LSS: variants seen among roughly 807,000 people sequenced by gnomAD.
LSS encodes 2,3-epoxysqualene-lanosterol cyclase.
LSS carries 90 observed loss-of-function variants against 110.3 expected under a neutral mutation model. The ratio of observed to expected loss-of-function variants is 0.82; its 90% CI spans 0.69 to 0.97. LSS has a LOEUF of 0.97. LSS is among the 50% of genes least tolerant of loss of function. The probability of loss-of-function intolerance (pLI) is 0.00; values close to 1 mark genes in which losing one functional copy is unlikely to be tolerated. For synonymous variants in LSS, 433 were observed against 400.0 expected (o/e 1.08, Z -0.98); for missense variants, 927 against 990.0 (o/e 0.94, Z 0.85).
intron 3 of LSS, among the ~76,000 whole-genome samples, chr21:46,223,900 C>T (rs2080307170): frequency 6.6e-6 from 1 of 152,206 alleles, no homozygotes; most frequent in African/African-American, 2.4e-5. Context: ...CAAGGAACAA[C>T]ACCCGCTACT....
chr21:46,205,953 A>T lies in LSS; in HGVS notation c.1565-12T>A. The T allele has an allele frequency of 6.3e-7, 1 of 1,584,238 alleles. No individual in the cohort carries two copies. The highest frequency in any genetic ancestry group is 8.6e-7 in the Non-Finnish European group (1 of 1,159,940). On this transcript the variant is annotated splice_polypyrimidine_tract_variant and intron_variant, in intron 16 of 21. Transcript: ENST00000397728. ...AATCATGATGTCCCCTGGGAAAGGG[A>T]GGGAAGAACCAAGTGTTGGGTTTCA...
intron 12 of LSS, 122 bp downstream of exon 12, chr21:46,210,566 G>A: frequency 2.0e-6 from 2 of 1,003,218 alleles, no homozygotes. Context: ...CCAGAGCCCA[G>A]GTCACTGGAA....
intron 3 of LSS, chr21:46,227,186 G>C: frequency 4.6e-6 from 1 of 215,226 alleles, no homozygotes; most frequent in Non-Finnish European, 9.3e-6. Context: ...GCAGATATCA[G>C]CTCCCCACCC....
chr21:46,213,008 A>G lies in LSS; in HGVS notation c.1137+17T>C. On this transcript the variant is annotated intron_variant, in intron 11 of 21. Transcript: ENST00000397728. ...GATTGCAAAGGAAGCATGCAGCCGC[A>G]GTCCCGCAGCCCTTACCTGCATTTT... is the stretch of plus-strand genomic sequence containing the variant. 6.2e-7 allele frequency: 1 copy of G among 1,613,982 alleles called. No individual in the cohort carries two copies. Among genetic ancestry groups the G allele is most frequent in the African/African-American group, 1.3e-5 (1 of 75,044 alleles).
chr21:46,188,494 A>G lies in LSS; in HGVS notation c.*2610T>C, dbSNP rs2079760680. On this transcript the variant is annotated 3_prime_UTR_variant, in exon 22 of 22. Coordinates refer to ENST00000397728, the MANE Select transcript of LSS (RefSeq NM_002340.6). ...ACACTGAGGCAAATATCCCCCTCAGACAGAGGCTGCACCGGTACAGCTGCC... is the reference window on the plus strand; with the variant it reads ...ACACTGAGGCAAATATCCCCCTCAGGCAGAGGCTGCACCGGTACAGCTGCC... 9 of 365,708 alleles carry G rather than the reference A, an allele frequency of 2.5e-5. No individual in the cohort carries two copies. The highest frequency in any genetic ancestry group is 1.8e-4 in the South Asian group (9 of 49,766). The allele number at this position is 365,708 out of a possible 1,614,324, so 22.7% of individuals were successfully genotyped here. A position where few individuals can be genotyped will look rare whatever the true frequency, so the allele number is the denominator to read the frequency against.
Position 46,203,105 on chromosome 21 carries a change from A to C in LSS, c.1670+2731T>G, listed in dbSNP as rs558627167. Among the ~76,000 whole-genome samples, 67 of 152,360 alleles carry C rather than the reference A, an allele frequency of 4.4e-4. No individual in the cohort carries two copies. In the South Asian group the frequency reaches 0.014, roughly 31 times the overall value. Reference sequence around the variant, plus strand: ...GCAGGGAGAGAGATGAGCAGAGAAGAGAAGTCACCAGGCCAGGTCAGACAG... The same window carrying C: ...GCAGGGAGAGAGATGAGCAGAGAAGCGAAGTCACCAGGCCAGGTCAGACAG... On this transcript the variant is annotated intron_variant, in intron 17 of 21. Coordinates refer to ENST00000397728, the MANE Select transcript of LSS (RefSeq NM_002340.6).
chr21:46,228,648 C>G, intron 1 of LSS, 49 bp from the exon 2 acceptor site: 1 of 1,595,204 alleles, frequency 6.3e-7, no homozygotes, highest in Non-Finnish European at 8.5e-7. Flanking sequence ...CAACGCCGGC[C>G]GCCGGCCCAC....
intron 10 of LSS, 71 bp from the exon 11 acceptor site, chr21:46,213,123 C>T (rs1422488269): frequency 2.0e-6 from 3 of 1,468,082 alleles, no homozygotes; most frequent in African/African-American, 1.4e-5. Flanking sequence ...CCAGACCCTG[C>T]ACTCAGGAGG....
At chr21:46,222,470 T>G (rs985650341) in intron 4 of LSS, 160 bp downstream of exon 4, 2 of 620,532 alleles carry the variant, frequency 3.2e-6, no homozygotes, top group African/African-American at 1.8e-5. Context: ...TGCATGGCCT[T>G]CAGCCCACTC....
chr21:46,205,725 A>T, intron 17 of LSS, 111 bp downstream of exon 17: 1 of 755,716 alleles, frequency 1.3e-6, no homozygotes. Flanking sequence ...GCATGTTTCC[A>T]TGAGTTTCGC....
intron 17 of LSS, among the ~76,000 whole-genome samples, chr21:46,202,047 G>A (rs2079985051): frequency 6.8e-6 from 1 of 147,496 alleles, no homozygotes; most frequent in Non-Finnish European, 1.5e-5. Flanking sequence ...ACCCGCCTCG[G>A]CCTCCCAAAG....
At position 46,215,758 on chromosome 21, in the gene LSS, CCAGT is replaced by C. The variant is rs769039731; in HGVS notation, c.815_818del (p.Asp272GlyfsTer104). On this transcript the variant is annotated frameshift_variant, in exon 8 of 22. Coordinates refer to ENST00000397728, the MANE Select transcript of LSS (RefSeq NM_002340.6). LOFTEE classifies it high-confidence loss of function. Reference sequence around the variant, plus strand: ...GGGCCACGTTGTTCCTCTGCGCCAGCCAGTCAATGCTGGCGAAGTCCTCCACATA... The same window carrying C: ...GGGCCACGTTGTTCCTCTGCGCCAGCCAATGCTGGCGAAGTCCTCCACATA... The C allele has an allele frequency of 6.2e-7, 1 of 1,612,686 alleles. No homozygotes were observed. Among genetic ancestry groups the C allele is most frequent in the African/African-American group, 1.3e-5 (1 of 74,880 alleles).
chr21:46,210,581 C>T (rs923660644), intron 12 of LSS, 107 bp downstream of exon 12: 27 of 1,108,936 alleles, frequency 2.4e-5, no homozygotes, highest in Admixed American at 1.9e-5. Flanking sequence ...CTGGAAGTAT[C>T]GAGGAGTGGC....
chr21:46,198,798 G>A (rs1214470615), intron 17 of LSS, among the ~76,000 whole-genome samples: 5 of 112,278 alleles, frequency 4.5e-5, no homozygotes, highest in African/African-American at 1.7e-4. Flanking sequence ...CTTCTTGACA[G>A]ATGGTACCAA....
Position 46,213,116 on chromosome 21 carries a change from G to A in LSS, c.1110-64C>T, listed in dbSNP as rs971494312. 4.0e-6 allele frequency: 6 copies of A among 1,513,078 alleles called. No homozygotes were observed. In the Admixed American group the frequency reaches 6.9e-5, roughly 17 times the overall value. 93.7% of individuals were successfully genotyped at this position (1,513,078 alleles called of 1,614,324 possible). ...AAGCTGGAAGCCCAGCTGCTACCCA[G>A]ACCCTGCACTCAGGAGGGTCCCAGA... On this transcript the variant is annotated intron_variant, in intron 10 of 21. Transcript: ENST00000397728.
chr21:46,212,921 G>A (rs953949286), intron 11 of LSS, 104 bp downstream of exon 11: 16 of 1,409,378 alleles, frequency 1.1e-5, no homozygotes, highest in African/African-American at 5.7e-5. Flanking sequence ...GCACGCTGCC[G>A]GGACCTGGTC....
Position 46,221,939 on chromosome 21 carries a change from C to T in LSS, c.465G>A (p.Ala155=), listed in dbSNP as rs182615882. Reference sequence around the variant, plus strand: ...GAATTCTGAGAGACACATAGTTGAGCGCAGTCCCAAACACGGTGGACTTAT... The same window carrying T: ...GAATTCTGAGAGACACATAGTTGAGTGCAGTCCCAAACACGGTGGACTTAT... ...IEDKSTVFGT[A]LNYVSLRILG... Residue 155 remains alanine (A), a synonymous_variant, in exon 5 of 22, where the codon GCG becomes GCA. Transcript: ENST00000397728. The T allele has an allele frequency of 2.8e-5, 45 of 1,614,140 alleles. No individual in the cohort carries two copies. The African/African-American group carries it at 3.6e-4, about 13-fold the overall frequency.
At chr21:46,193,570 T>A (rs2079860387) in intron 20 of LSS, 4 of 430,528 alleles carry the variant, frequency 9.3e-6, no homozygotes, top group African/African-American at 2.4e-5. Flanking sequence ...ATCCTGTGGG[T>A]GCATCTGTAC....
Position 46,215,267 on chromosome 21 carries a change from A to G in LSS, c.924T>C (p.Ser308=). 6.2e-7 allele frequency: 1 copy of G among 1,610,526 alleles called. No homozygotes were observed. The highest frequency in any genetic ancestry group is 8.5e-7 in the Non-Finnish European group (1 of 1,179,772). ...ALLNLYEHHH[S]AHLRQRAVQK... is the part of the protein sequence containing the mutation. ...GCACGGCCCGCTGCCGCAGGTGGGC[A>G]CTGTGGTGGTGCTCATACAGGTTGA... Residue 308 remains serine (S), a synonymous_variant, in exon 9 of 22, where the codon AGT becomes AGC. Coordinates refer to ENST00000397728, the MANE Select transcript of LSS (RefSeq NM_002340.6).
Sources: gnomAD v4.1 joint callset for allele counts (sites outside exome capture counted in the v4.1 genomes callset) on GRCh38, gnomAD v4.1.1 for gene constraint, MANE v1.5 for transcripts, NCBI Gene and HGNC (gene_info 2026-07-23, HGNC 2026-07-21) for gene names.